Variants in CPPED1 observed in about 807,000 individuals in gnomAD.
CPPED1 encodes the protein serine/threonine-protein phosphatase CPPED1.
CPPED1 carries 28 observed loss-of-function variants against 28.0 expected under a neutral mutation model. The ratio of observed to expected loss-of-function variants is 1.00; its 90% confidence interval spans 0.74 to 1.37. The LOEUF (loss-of-function observed/expected upper bound fraction) is 1.37. CPPED1 is among the 40% of genes most tolerant of loss of function. The pLI, the probability that CPPED1 is intolerant of heterozygous loss-of-function variation, is 0.00. For missense variants in CPPED1, 504 were observed against 416.5 expected, an observed-to-expected ratio of 1.21 and a Z score of -1.83; for synonymous variants, 198 against 180.2, an observed-to-expected ratio of 1.10 and a Z score of -0.79.
At chr16:12,675,711 T>C (rs539714994) in intron 3 of CPPED1, among the ~76,000 whole-genome samples, 184 of 152,352 alleles carry the variant, frequency 1.2e-3, no homozygotes, top group Non-Finnish European at 1.2e-3. Flanking sequence ...CATGAGACTA[T>C]ATTTGTGAAA....
rs1281997375 is a variant in CPPED1 at position 12,691,976 on chromosome 16, A to T, written c.715+12648T>A. ...CTTAAAGTGTAATACAAAATAAAAA[A>T]AAAACAAAAACAACATAAAGGCATG... On this transcript the variant is annotated intron_variant, in intron 3 of 3. Coordinates refer to ENST00000381774, the MANE Select transcript of CPPED1 (RefSeq NM_018340.3). 4.0e-5 allele frequency among the ~76,000 whole-genome samples: 6 copies of T among 149,000 alleles called. No homozygotes were observed. The South Asian group carries it at 6.3e-4, about 16-fold the overall frequency.
intron 1 of CPPED1, among the ~76,000 whole-genome samples, chr16:12,782,406 C>T (rs908573046): frequency 4.6e-5 from 7 of 152,232 alleles, no homozygotes; most frequent in South Asian, 2.1e-4. Flanking sequence ...GGGCTGGACA[C>T]GGCACAGTCT....
intron 2 of CPPED1, among the ~76,000 whole-genome samples, chr16:12,751,580 G>A (rs2141218764): frequency 6.6e-6 from 1 of 152,224 alleles, no homozygotes; most frequent in East Asian, 1.9e-4. Context: ...AAAGATGAAG[G>A]AGCAGAAAGC....
At chr16:12,767,427 C>T in intron 2 of CPPED1, among the ~76,000 whole-genome samples, 1 of 152,206 alleles carries the variant, frequency 6.6e-6, no homozygotes. Flanking sequence ...GAAATCATGT[C>T]TTCTCAGCTA....
chr16:12,724,623 G>A (rs540044622), intron 2 of CPPED1, among the ~76,000 whole-genome samples: 6 of 152,246 alleles, frequency 3.9e-5, no homozygotes, highest in Admixed American at 2.6e-4. Context: ...TCTTATGCAA[G>A]AGATCCTTCT....
chr16:12,686,241 A>ATATTTTTTT (rs35644844), intron 3 of CPPED1, among the ~76,000 whole-genome samples: 4 of 106,898 alleles, frequency 3.7e-5, no homozygotes, highest in African/African-American at 1.6e-4. Flanking sequence ...ATATATATAT[A>ATATTTTTTT]TTTTTTTTTT....
intron 2 of CPPED1, among the ~76,000 whole-genome samples, chr16:12,708,961 T>A (rs945538236): frequency 6.6e-6 from 1 of 152,192 alleles, no homozygotes; most frequent in Non-Finnish European, 1.5e-5. Context: ...GGGCCTGTAA[T>A]CCCAGCTACT....
chr16:12,696,991 C>T (rs918634148), intron 3 of CPPED1, among the ~76,000 whole-genome samples: 4 of 152,092 alleles, frequency 2.6e-5, no homozygotes, highest in African/African-American at 9.7e-5. Flanking sequence ...CTGCACAGTA[C>T]TCATACTACT....
At position 12,693,332 on chromosome 16, in the gene CPPED1, G is replaced by C. The variant is rs570231917; in HGVS notation, c.715+11292C>G. Among the ~76,000 whole-genome samples, 9 of 152,190 alleles carry C rather than the reference G, an allele frequency of 5.9e-5. No individual in the cohort carries two copies. In the East Asian group the frequency reaches 1.4e-3, roughly 23 times the overall value. ...TCCTCCCACCTCAGCCTCCCATGTA[G>C]CTGGGCGTGCACCACAATGCCTGGA... is the stretch of plus-strand genomic sequence containing the variant. On this transcript the variant is annotated intron_variant, in intron 3 of 3. Transcript: ENST00000381774.
At chr16:12,705,802 G>A (rs775993656) in intron 2 of CPPED1, among the ~76,000 whole-genome samples, 8 of 152,296 alleles carry the variant, frequency 5.3e-5, no homozygotes, top group South Asian at 2.1e-4. Context: ...CCACCGCGCC[G>A]GGCAGAACAT....
rs986996586 is a variant in CPPED1 at position 12,803,853 on chromosome 16, G to A, written c.-77C>T. On this transcript the variant is annotated 5_prime_UTR_variant, in exon 1 of 4. Transcript: ENST00000381774. ...GCGACTTCACACAGAACAACCGCTGGACCTGTCCCGCTTTGGGCGACGCCC... is the reference window on the plus strand; with the variant it reads ...GCGACTTCACACAGAACAACCGCTGAACCTGTCCCGCTTTGGGCGACGCCC... The A allele has an allele frequency of 1.4e-6, 2 of 1,380,916 alleles. No homozygotes were observed. Among genetic ancestry groups the A allele is most frequent in the Non-Finnish European group, 9.8e-7 (1 of 1,017,982 alleles). 85.5% of individuals were successfully genotyped at this position (1,380,916 alleles called of 1,614,324 possible).
chr16:12,716,007 G>A (rs1000671124), intron 2 of CPPED1, among the ~76,000 whole-genome samples: 5 of 152,206 alleles, frequency 3.3e-5, no homozygotes, highest in Admixed American at 6.5e-5. Flanking sequence ...GGGTTGGCAA[G>A]GTAGTGATTT....
chr16:12,790,918 CAA>C (rs538022826), intron 1 of CPPED1, among the ~76,000 whole-genome samples: 4,098 of 63,136 alleles, frequency 0.065, 146 homozygotes, highest in African/African-American at 0.18. Flanking sequence ...GACTCTATCT[CAA>C]AAAAAAAAAA....
intron 3 of CPPED1, among the ~76,000 whole-genome samples, chr16:12,665,549 T>C (rs2079820970): frequency 6.6e-6 from 1 of 152,148 alleles, no homozygotes; most frequent in South Asian, 2.1e-4. Flanking sequence ...CCCAGCACTT[T>C]GGGAGGCCAA....
intron 2 of CPPED1, among the ~76,000 whole-genome samples, chr16:12,733,861 C>A (rs2080212200): frequency 1.3e-5 from 2 of 151,990 alleles, no homozygotes; most frequent in African/African-American, 4.8e-5. Flanking sequence ...AGCTACTTGA[C>A]TTCTTAATCT....
chr16:12,703,012 CAA>C (rs11385568), intron 3 of CPPED1, among the ~76,000 whole-genome samples: 15 of 122,090 alleles, frequency 1.2e-4, no homozygotes, highest in Admixed American at 3.3e-4. Context: ...GACTCCGTCT[CAA>C]AAAAAAAAAA....
chr16:12,680,123 C>T (rs900631870), intron 3 of CPPED1, among the ~76,000 whole-genome samples: 7 of 152,134 alleles, frequency 4.6e-5, no homozygotes, highest in Non-Finnish European at 2.9e-5. Context: ...CTAAAAAAAT[C>T]ATTTAGAAGG....
intron 1 of CPPED1, among the ~76,000 whole-genome samples, chr16:12,784,860 T>A (rs2080553502): frequency 6.6e-6 from 1 of 152,236 alleles, no homozygotes; most frequent in Non-Finnish European, 1.5e-5. Context: ...AAGTCAATAG[T>A]CCTTGAAGCT....
At chr16:12,781,863 G>C (rs568466873) in intron 1 of CPPED1, among the ~76,000 whole-genome samples, 3 of 152,118 alleles carry the variant, frequency 2.0e-5, no homozygotes, top group Non-Finnish European at 4.4e-5. Flanking sequence ...CCGTTTCGGG[G>C]GATGTGACAG....
Sources: gnomAD v4.1 joint callset for allele counts (sites outside exome capture counted in the v4.1 genomes callset) on GRCh38, gnomAD v4.1.1 for gene constraint, MANE v1.5 for transcripts, NCBI Gene and HGNC (gene_info 2026-07-23, HGNC 2026-07-21) for gene names.